The following TENM2 variants were observed in gnomAD, a reference collection of about 807,000 sequenced individuals.
TENM2 encodes the protein teneurin-2.
A neutral mutation model predicts 245.2 loss-of-function variants in TENM2; 52 were observed. The ratio of observed to expected loss-of-function variants is 0.21; its 90% CI spans 0.17 to 0.27. The LOEUF (loss-of-function observed/expected upper bound fraction) is 0.27. TENM2 is among the 10% of genes least tolerant of loss of function. TENM2 has a pLI of 1.00. For missense variants in TENM2, 3,046 were observed against 3,666.8 expected (o/e 0.83, Z 4.37); for synonymous variants, 1,363 against 1,438.9 (o/e 0.95, Z 1.19).
At chr5:167,902,550 G>A (rs1238781801) in intron 3 of TENM2, among the ~76,000 whole-genome samples, 3 of 152,222 alleles carry the variant, frequency 2.0e-5, no homozygotes, top group South Asian at 4.2e-4. Flanking sequence ...AGCCTAAGAG[G>A]ATTAATCCGT....
chr5:167,103,066 TAAAC>T, the TENM2 span, among the ~76,000 whole-genome samples: 5 of 152,192 alleles, frequency 3.3e-5, no homozygotes, highest in Non-Finnish European at 7.3e-5. Flanking sequence ...AAGACTGAGT[TAAAC>T]ATGTAGGACA....
chr5:167,875,602 TG>T (rs1773354005), intron 2 of TENM2, among the ~76,000 whole-genome samples: 1 of 151,972 alleles, frequency 6.6e-6, no homozygotes, highest in African/African-American at 2.4e-5. Context: ...ACTGGGACAA[TG>T]GGGAGTAGAT....
intron 2 of TENM2, among the ~76,000 whole-genome samples, chr5:167,690,545 C>A (rs567850513): frequency 1.3e-5 from 2 of 152,248 alleles, no homozygotes; most frequent in South Asian, 4.1e-4. Context: ...ATGCTATTAC[C>A]ATTTTTTGCG....
At chr5:167,860,914 G>T (rs557656707) in intron 2 of TENM2, among the ~76,000 whole-genome samples, 1 of 119,298 alleles carries the variant, frequency 8.4e-6, no homozygotes, top group Non-Finnish European at 1.7e-5. Flanking sequence ...GCGGAAGGCC[G>T]CAGGGTCCTC....
At chr5:168,022,493 C>T (rs375424243) in intron 5 of TENM2, among the ~76,000 whole-genome samples, 3 of 152,220 alleles carry the variant, frequency 2.0e-5, no homozygotes, top group Admixed American at 6.5e-5. Context: ...GGCCATGAGG[C>T]GCTGCATCCG....
the TENM2 span, among the ~76,000 whole-genome samples, chr5:167,133,838 A>T: frequency 6.6e-6 from 1 of 151,788 alleles, no homozygotes; most frequent in Non-Finnish European, 1.5e-5. Flanking sequence ...AAAAAAAAGG[A>T]AAAAAGAAAA....
chr5:167,812,925 A>T (rs1208158150), intron 2 of TENM2, among the ~76,000 whole-genome samples: 2 of 152,202 alleles, frequency 1.3e-5, no homozygotes, highest in East Asian at 3.9e-4. Flanking sequence ...TATTCATTCC[A>T]CTGAGACTTA....
At chr5:167,431,918 T>TATATATATACAC (rs1561950053) in intron 2 of TENM2, among the ~76,000 whole-genome samples, 36 of 134,684 alleles carry the variant, frequency 2.7e-4, no homozygotes, top group African/African-American at 1.0e-3. Flanking sequence ...AGGTGTGATA[T>TATATATATACAC]ATATATATAC....
At chr5:168,087,123 C>T (rs1562141375) in intron 7 of TENM2, among the ~76,000 whole-genome samples, 1 of 152,158 alleles carries the variant, frequency 6.6e-6, no homozygotes, top group Non-Finnish European at 1.5e-5. Flanking sequence ...CTGCTTGACA[C>T]GTGTTAATCT....
At chr5:167,711,413 G>A (rs1758897927) in intron 2 of TENM2, among the ~76,000 whole-genome samples, 1 of 152,172 alleles carries the variant, frequency 6.6e-6, no homozygotes, top group African/African-American at 2.4e-5. Flanking sequence ...TCAGTCATCT[G>A]GCAACATCGC....
At chr5:167,700,897 G>T (rs549939330) in intron 2 of TENM2, among the ~76,000 whole-genome samples, 14 of 131,460 alleles carry the variant, frequency 1.1e-4, no homozygotes, top group East Asian at 4.9e-4. Context: ...ATAAAATTGC[G>T]TTCAGAAATA....
chr5:167,666,824 C>A (rs1210080684), intron 2 of TENM2, among the ~76,000 whole-genome samples: 1 of 152,176 alleles, frequency 6.6e-6, no homozygotes, highest in African/African-American at 2.4e-5. Context: ...GTGGAAAAAA[C>A]ATATTGAATT....
At chr5:168,032,531 T>A (rs1787235735) in intron 5 of TENM2, among the ~76,000 whole-genome samples, 1 of 152,174 alleles carries the variant, frequency 6.6e-6, no homozygotes, top group Admixed American at 6.5e-5. Context: ...CTGTTAGTAT[T>A]GCCCTGGAAT....
intron 2 of TENM2, among the ~76,000 whole-genome samples, chr5:167,438,351 C>T (rs1582046790): frequency 6.6e-6 from 1 of 152,192 alleles, no homozygotes; most frequent in Non-Finnish European, 1.5e-5. Flanking sequence ...ACTTCACAGA[C>T]ATATACACAA....
At chr5:167,749,159 G>GA (rs1239870635) in intron 2 of TENM2, among the ~76,000 whole-genome samples, 1 of 151,730 alleles carries the variant, frequency 6.6e-6, no homozygotes, top group East Asian at 1.9e-4. Flanking sequence ...AGAAACCGAG[G>GA]AAAAACAAAA....
At chr5:167,398,557 G>A (rs551890133) in intron 2 of TENM2, among the ~76,000 whole-genome samples, 6 of 151,550 alleles carry the variant, frequency 4.0e-5, no homozygotes, top group Admixed American at 6.6e-5. Context: ...TCAGCCTCCC[G>A]AGCAGCTGAG....
In TENM2 at chr5:167,749,495, G is replaced by C. The variant is rs13165549; in HGVS notation, c.503-126491G>C. On this transcript the variant is annotated intron_variant, in intron 2 of 28. Coordinates refer to ENST00000518659, the Ensembl canonical transcript of TENM2. ...TCTACTAAAAATACAAAAATCAGCC[G>C]GGTGTGGTGGTGGGCACCTATAATC... Among the ~76,000 whole-genome samples, 262 of 152,094 alleles carry C rather than the reference G, an allele frequency of 1.7e-3. 2 individuals carry two copies. Among genetic ancestry groups the C allele is most frequent in the African/African-American group, 6.0e-3 (248 of 41,498 alleles).
intron 2 of TENM2, among the ~76,000 whole-genome samples, chr5:167,766,592 C>G (rs1039885853): frequency 6.6e-6 from 1 of 152,056 alleles, no homozygotes; most frequent in African/African-American, 2.4e-5. Context: ...AAGTAGAACG[C>G]TTGGCCAGGC....
intron 4 of TENM2, among the ~76,000 whole-genome samples, chr5:167,958,322 A>G (rs1780723028): frequency 6.6e-6 from 1 of 151,856 alleles, no homozygotes; most frequent in Non-Finnish European, 1.5e-5. Context: ...TTTGCTTTCC[A>G]TTTGCTTGGT....
Sources: gnomAD v4.1 joint callset for allele counts (sites outside exome capture counted in the v4.1 genomes callset) on GRCh38, gnomAD v4.1.1 for gene constraint, MANE v1.5 for transcripts, NCBI Gene and HGNC (gene_info 2026-07-23, HGNC 2026-07-21) for gene names.